The following EFCAB7 variants were observed in gnomAD, a reference collection of about 807,000 sequenced individuals.
EFCAB7 encodes the protein EF-hand calcium binding domain 7, also known as EF-hand calcium-binding domain-containing protein 7.
EFCAB7 carries 66 observed loss-of-function variants against 77.1 expected under a neutral mutation model. The ratio of observed to expected loss-of-function variants is 0.86; its 90% CI spans 0.70 to 1.05. The LOEUF is 1.05. Among genes scored for constraint, EFCAB7 ranks in the 50% least tolerant of loss-of-function variants. EFCAB7 has a pLI of 0.00. For synonymous variants in EFCAB7, 225 were observed against 243.3 expected (o/e 0.92, Z 0.70); for missense variants, 638 against 730.5 (o/e 0.87, Z 1.46).
downstream of EFCAB7, among the ~76,000 whole-genome samples, chr1:63,575,396 T>C (rs529272355): frequency 6.6e-6 from 1 of 152,254 alleles, no homozygotes; most frequent in African/African-American, 2.4e-5. Context: ...TACACTAATA[T>C]TTTGGATATA....
At chr1:63,544,056 A>G (rs1321367089) in intron 6 of EFCAB7, among the ~76,000 whole-genome samples, 1 of 140,202 alleles carries the variant, frequency 7.1e-6, no homozygotes, top group Non-Finnish European at 1.5e-5. Context: ...TGCAACCTCC[A>G]TCTCCCAGGT....
chr1:63,536,171 G>T (rs989148299), intron 6 of EFCAB7, among the ~76,000 whole-genome samples: 7 of 152,146 alleles, frequency 4.6e-5, no homozygotes, highest in Admixed American at 4.6e-4. Flanking sequence ...TTTTAATACT[G>T]TGAGTTTCAT....
chr1:63,564,818 A>G (rs1288687284), intron 11 of EFCAB7, among the ~76,000 whole-genome samples: 4 of 152,228 alleles, frequency 2.6e-5, no homozygotes, highest in Non-Finnish European at 4.4e-5. Flanking sequence ...ACTATACTAC[A>G]GGGCTACAGT....
chr1:63,525,916 G>C (rs1428653093), intron 2 of EFCAB7, among the ~76,000 whole-genome samples, 157 bp downstream of exon 2: 1 of 152,082 alleles, frequency 6.6e-6, no homozygotes, highest in East Asian at 1.9e-4. Flanking sequence ...ATATCATATA[G>C]TTACATATTC....
intron 2 of EFCAB7, chr1:63,529,500 G>A (rs1002789894): frequency 1.3e-5 from 2 of 152,130 alleles, no homozygotes; most frequent in African/African-American, 4.8e-5. Flanking sequence ...GATCACCTGA[G>A]GTCAGGAGTT....
chr1:63,560,303 A>G (rs367715531), intron 10 of EFCAB7, among the ~76,000 whole-genome samples: 3 of 152,162 alleles, frequency 2.0e-5, no homozygotes, highest in Admixed American at 6.6e-5. Context: ...TAAGTTTTAA[A>G]AAGTAGATTC....
intron 5 of EFCAB7, 46 bp downstream of exon 5, chr1:63,533,695 T>A (rs1468774663): frequency 7.3e-7 from 1 of 1,375,618 alleles, no homozygotes; most frequent in South Asian, 1.5e-5. Flanking sequence ...AAATGAAGAG[T>A]CATATTCAGA....
intron 6 of EFCAB7, among the ~76,000 whole-genome samples, chr1:63,536,202 G>A (rs78396552): frequency 0.049 from 7,513 of 152,142 alleles, 652 homozygotes; most frequent in African/African-American, 0.17. Flanking sequence ...ATGTCTTTTG[G>A]AAATAATTGA....
intron 7 of EFCAB7, among the ~76,000 whole-genome samples, chr1:63,551,473 C>T (rs1646963479): frequency 2.6e-5 from 4 of 152,130 alleles, no homozygotes; most frequent in African/African-American, 9.7e-5. Flanking sequence ...TGCCTGTAGT[C>T]TCAGCTACTC....
At chr1:63,574,464 G>A (rs2100934929), downstream of EFCAB7, among the ~76,000 whole-genome samples, 1 of 152,284 alleles carries the variant, frequency 6.6e-6, no homozygotes, top group Non-Finnish European at 1.5e-5. Flanking sequence ...GTAGCCAGAT[G>A]AGAAGGAAGA....
At chr1:63,568,703 T>C (rs1471405991) in intron 12 of EFCAB7, 184 bp downstream of exon 12, 2 of 323,240 alleles carry the variant, frequency 6.2e-6, no homozygotes, top group Non-Finnish European at 1.0e-5. Context: ...TTTTATATGA[T>C]TTTTAAAGGT....
At chr1:63,554,791 T>TA (rs1189562703) in intron 8 of EFCAB7, among the ~76,000 whole-genome samples, 1 of 152,190 alleles carries the variant, frequency 6.6e-6, no homozygotes, top group Non-Finnish European at 1.5e-5. Flanking sequence ...CATATTACAT[T>TA]AAAAAAAGTG....
At chr1:63,565,082 C>T (rs1400836636) in intron 11 of EFCAB7, among the ~76,000 whole-genome samples, 1 of 152,186 alleles carries the variant, frequency 6.6e-6, no homozygotes, top group Admixed American at 6.5e-5. Flanking sequence ...TGTGATGGCT[C>T]ACGCCTGTAA....
At chr1:63,557,503 G>T (rs984629375) in intron 10 of EFCAB7, among the ~76,000 whole-genome samples, 1 of 152,088 alleles carries the variant, frequency 6.6e-6, no homozygotes, top group East Asian at 1.9e-4. Context: ...TACTCTTCGG[G>T]GTTTAGAAGA....
At chr1:63,524,069 T>C (rs542490112) in intron 1 of EFCAB7, among the ~76,000 whole-genome samples, 2 of 152,264 alleles carry the variant, frequency 1.3e-5, no homozygotes, top group African/African-American at 4.8e-5. Context: ...TAAGCTTTAG[T>C]TTGGTTTCTC....
chr1:63,530,849 T>C (rs1323604878), intron 2 of EFCAB7, among the ~76,000 whole-genome samples: 1 of 152,368 alleles, frequency 6.6e-6, no homozygotes, highest in African/African-American at 2.4e-5. Context: ...AATGATTTTC[T>C]CATTTCATTA....
intron 9 of EFCAB7, 65 bp downstream of exon 9, chr1:63,555,580 T>TTAC: frequency 7.0e-7 from 1 of 1,429,178 alleles, no homozygotes; most frequent in Non-Finnish European, 9.5e-7. Context: ...ATAGCCTGTG[T>TTAC]TACTCCCTTT....
Position 63,534,123 on chromosome 1 carries a change from A to G in EFCAB7, c.711A>G (p.Ala237=). 6.2e-7 allele frequency: 1 copy of G among 1,613,440 alleles called. No homozygotes were observed. The highest frequency in any genetic ancestry group is 8.5e-7 in the Non-Finnish European group (1 of 1,179,540). Residue 237 remains alanine (A), a synonymous_variant, in exon 6 of 14, where the codon GCA becomes GCG. Coordinates refer to ENST00000371088, the MANE Select transcript of EFCAB7 (RefSeq NM_032437.4). ...KGDTRSSLLS[A]TRKFKTSVSF... is the part of the protein sequence containing the mutation. ...ACACCAGGAGTTCTTTACTGTCAGC[A>G]ACCAGGAAGTTCAAAACATCTGTTT...
chr1:63,556,565 T>C (rs1475336098), intron 9 of EFCAB7, among the ~76,000 whole-genome samples: 1 of 152,152 alleles, frequency 6.6e-6, no homozygotes, highest in African/African-American at 2.4e-5. Context: ...ACTACTACTA[T>C]TCATTGAGTT....
Sources: gnomAD v4.1 joint callset for allele counts (sites outside exome capture counted in the v4.1 genomes callset) on GRCh38, gnomAD v4.1.1 for gene constraint, MANE v1.5 for transcripts, NCBI Gene and HGNC (gene_info 2026-07-23, HGNC 2026-07-21) for gene names.